The following POP1 variants were observed in gnomAD, a reference collection of about 807,000 sequenced individuals.
The protein encoded by POP1 is ribonucleases P/MRP protein subunit POP1.
Under a neutral mutation model 102.2 loss-of-function variants are expected in POP1, and 75 were observed. That is an observed-to-expected ratio of 0.73 (90% CI 0.61 to 0.89). The LOEUF (loss-of-function observed/expected upper bound fraction) is 0.89. Among genes scored for constraint, POP1 ranks in the 40% least tolerant of loss-of-function variants. The pLI is 0.00. For synonymous variants in POP1, 436 were observed against 464.1 expected (o/e 0.94, Z 0.78); for missense variants, 1,116 against 1,267.4 (o/e 0.88, Z 1.81).
In POP1 at chr8:98,128,399, CA is replaced by C. The variant is rs1370943617; in HGVS notation, c.346del (p.Ser116ValfsTer4). The C allele has an allele frequency of 1.2e-5, 19 of 1,614,048 alleles. No homozygotes were observed. Among genetic ancestry groups the C allele is most frequent in the African/African-American group, 2.7e-5 (2 of 74,926 alleles). On this transcript the variant is annotated frameshift_variant, in exon 4 of 16. Coordinates refer to ENST00000401707, the MANE Select transcript of POP1 (RefSeq NM_001145860.2). LOFTEE classifies it high-confidence loss of function. ...TFAQARAAEI[S>X]AMLKAVTQKS... ...TTGCTCAAGCACGAGCTGCTGAAAT[CA>C]GTGCTATGTTAAAAGCTGTGACCCA...
chr8:98,140,305 C>T (rs1486371402), intron 10 of POP1, 116 bp downstream of exon 10: 1 of 775,404 alleles, frequency 1.3e-6, no homozygotes, highest in Non-Finnish European at 2.3e-6. Flanking sequence ...TGTGACACAG[C>T]AAGAGAACCA....
rs563607865 is a variant in POP1, at chr8:98,130,133, G to C, written c.642G>C (p.Met214Ile). The change falls in exon 5 of 16, where the codon ATG becomes ATC. Residue 214 changes from methionine to isoleucine, a missense_variant. By Grantham distance (10) the Met-to-Ile change is conservative. Coordinates refer to ENST00000401707, the MANE Select transcript of POP1 (RefSeq NM_001145860.2). The stretch of plus-strand genomic sequence containing the variant: ...TCTGGCACGCCAAGCGGTTTCATAT[G>C]GTCAAGAAGTGGGGCTACTGCCTTG... ...THIWHAKRFH[M>I]VKKWGYCLGE... 3.7e-6 allele frequency: 6 copies of C among 1,614,216 alleles called. No homozygotes were observed. In the East Asian group the frequency reaches 1.1e-4, roughly 30 times the overall value.
intron 11 of POP1, among the ~76,000 whole-genome samples, chr8:98,145,491 C>T (rs2130618828): frequency 6.6e-6 from 1 of 152,298 alleles, no homozygotes; most frequent in South Asian, 2.1e-4. Context: ...GAAGTTCCTT[C>T]TATCAATATA....
rs761593470 is a variant in POP1 at position 98,157,773 on chromosome 8, C to T, written c.2577C>T (p.Val859=). The T allele has an allele frequency of 1.5e-5, 24 of 1,614,092 alleles. No homozygotes were observed. The Admixed American group carries it at 2.8e-4, about 19-fold the overall frequency. ...ACTTCCCCAGGGCCCTGGTTTGGGTCAGCCTGTCCCTGCTCAGCAAGGGCA... is the reference window on the plus strand; with the variant it reads ...ACTTCCCCAGGGCCCTGGTTTGGGTTAGCCTGTCCCTGCTCAGCAAGGGCA... ...LGHFPRALVW[V]SLSLLSKGSP... The change falls in exon 16 of 16, where the codon GTC becomes GTT. Residue 859 remains valine (V), a synonymous_variant. Coordinates refer to ENST00000401707, the MANE Select transcript of POP1 (RefSeq NM_001145860.2).
At chr8:98,120,772 G>A (rs1341133420) in intron 1 of POP1, among the ~76,000 whole-genome samples, 4 of 151,820 alleles carry the variant, frequency 2.6e-5, no homozygotes, top group Admixed American at 2.6e-4. Flanking sequence ...TCAGCCTCCC[G>A]AGTAGCTGGG....
In POP1 at chr8:98,129,215, T is replaced by C. The variant is rs139919784; in HGVS notation, c.486+675T>C. ...GGGTAGGAAGGTTAAAAAAAAGCAA[T>C]GTCAATGCTTAGCATTTGCTTTCTG... On this transcript the variant is annotated intron_variant, in intron 4 of 15. Transcript: ENST00000401707. 9.5e-4 allele frequency among the ~76,000 whole-genome samples: 144 copies of C among 152,304 alleles called. 2 individuals are homozygous for C. The South Asian group carries it at 0.013, about 14-fold the overall frequency.
chr8:98,144,153 C>T (rs1436485005), intron 11 of POP1, among the ~76,000 whole-genome samples: 1 of 149,356 alleles, frequency 6.7e-6, no homozygotes, highest in Admixed American at 6.7e-5. Context: ...AGCAAGACTC[C>T]ATCTAAAAAA....
intron 14 of POP1, among the ~76,000 whole-genome samples, chr8:98,153,531 C>CCCT (rs1430760385): frequency 0.16 from 12,234 of 77,338 alleles, 1,080 homozygotes; most frequent in African/African-American, 0.28. Context: ...ACAGTTCTGA[C>CCCT]TCTTTTTTTT....
At chr8:98,148,276 A>G (rs748445400) in intron 12 of POP1, among the ~76,000 whole-genome samples, 2 of 152,184 alleles carry the variant, frequency 1.3e-5, no homozygotes, top group Non-Finnish European at 1.5e-5. Flanking sequence ...AAACAGTGAT[A>G]GCCCTCTTAC....
intron 1 of POP1, among the ~76,000 whole-genome samples, chr8:98,122,703 T>C (rs1816065586): frequency 6.6e-6 from 1 of 152,206 alleles, no homozygotes; most frequent in Non-Finnish European, 1.5e-5. Flanking sequence ...TTAGGTCTCC[T>C]TTATGTTACA....
chr8:98,148,473 T>C (rs1809418275), intron 12 of POP1, among the ~76,000 whole-genome samples: 1 of 152,216 alleles, frequency 6.6e-6, no homozygotes, highest in African/African-American at 2.4e-5. Context: ...CTTAATTGTT[T>C]ATATCTTTTT....
intron 14 of POP1, among the ~76,000 whole-genome samples, chr8:98,154,368 G>A (rs953860899): frequency 1.3e-5 from 2 of 152,182 alleles, no homozygotes; most frequent in Middle Eastern, 3.2e-3. Flanking sequence ...GATGAAGAGC[G>A]AGGCAGCTGC....
chr8:98,138,696 A>G (rs573550204), intron 9 of POP1, among the ~76,000 whole-genome samples: 2 of 152,316 alleles, frequency 1.3e-5, no homozygotes, highest in African/African-American at 4.8e-5. Context: ...GCTTAGCACA[A>G]TGTCTGGCAC....
intron 2 of POP1, among the ~76,000 whole-genome samples, chr8:98,124,721 G>T (rs530230223): frequency 5.3e-5 from 8 of 152,290 alleles, no homozygotes; most frequent in Non-Finnish European, 1.2e-4. Flanking sequence ...ATATTTTAGA[G>T]CTGGTATATT....
At chr8:98,154,587 G>A (rs2130633132) in intron 14 of POP1, among the ~76,000 whole-genome samples, 1 of 152,278 alleles carries the variant, frequency 6.6e-6, no homozygotes, top group South Asian at 2.1e-4. Flanking sequence ...GCGAAGTGAG[G>A]GTGGGAAGGT....
At chr8:98,155,956 T>C (rs1809637065) in intron 14 of POP1, 94 bp from the exon 15 acceptor site, 1 of 1,111,462 alleles carries the variant, frequency 9.0e-7, no homozygotes, top group Non-Finnish European at 1.3e-6. Context: ...TGTGTGTGTG[T>C]TTTAAAATAG....
At chr8:98,138,008 A>G (rs899672650) in intron 9 of POP1, among the ~76,000 whole-genome samples, 5 of 152,186 alleles carry the variant, frequency 3.3e-5, no homozygotes, top group Non-Finnish European at 5.9e-5. Flanking sequence ...GATGCTTTAA[A>G]ATACAAAAGC....
chr8:98,125,254 C>T lies in POP1; in HGVS notation c.142+1775C>T, dbSNP rs942333462. Among the ~76,000 whole-genome samples the T allele has an allele frequency of 2.3e-4, 33 of 141,232 alleles. 1 individual carries two copies. The highest frequency in any genetic ancestry group is 2.2e-3 in the Admixed American group (29 of 13,488). The allele number at this position is 141,232 out of a possible 152,430, so 92.7% of individuals were successfully genotyped here. A position where few individuals can be genotyped will look rare whatever the true frequency, so the allele number is the denominator to read the frequency against. On this transcript the variant is annotated intron_variant, in intron 2 of 15. Coordinates refer to ENST00000401707, the MANE Select transcript of POP1 (RefSeq NM_001145860.2). The stretch of plus-strand genomic sequence containing the variant: ...AGGCTGGAGTGCAATGGTGCGATCT[C>T]GGCTCACTGCAACCTCCACCTCCTG...
At chr8:98,156,653 C>T (rs76263123) in intron 15 of POP1, among the ~76,000 whole-genome samples, 4,105 of 152,172 alleles carry the variant, frequency 0.027, 170 homozygotes, top group African/African-American at 0.085. Context: ...TCAATAGATC[C>T]AAGCCAAGGC....
Sources: allele counts gnomAD v4.1 joint callset (sites outside exome capture counted in the v4.1 genomes callset), GRCh38; gene constraint gnomAD v4.1.1; transcripts MANE v1.5; gene names NCBI Gene and HGNC (gene_info 2026-07-23, HGNC 2026-07-21).